Variants in ANO2 observed in about 807,000 individuals in gnomAD.
ANO2 encodes anoctamin-2.
ANO2 carries 101 observed loss-of-function variants against 124.2 expected under a neutral mutation model. The ratio of observed to expected loss-of-function variants is 0.81; its 90% CI spans 0.69 to 0.96. The LOEUF (loss-of-function observed/expected upper bound fraction) is 0.96, where lower values mean the gene tolerates loss of function less well. Among genes scored for constraint, ANO2 ranks in the 40% least tolerant of loss-of-function variants. The pLI, the probability that ANO2 is intolerant of heterozygous loss-of-function variation, is 0.00. For missense variants in ANO2, 1,293 were observed against 1,274.5 expected (o/e 1.01, Z -0.22); for synonymous variants, 486 against 482.5 (o/e 1.01, Z -0.09).
At chr12:5,945,297 G>C, upstream of ANO2, 2 of 1,153,242 alleles carry the variant, frequency 1.7e-6, no homozygotes, top group Non-Finnish European at 2.2e-6. Context: ...ATTCCATCGC[G>C]GCTCAGCTCC....
intron 19 of ANO2, among the ~76,000 whole-genome samples, chr12:5,608,241 A>AG (rs1473944524): frequency 2.6e-5 from 4 of 151,128 alleles, no homozygotes; most frequent in African/African-American, 9.7e-5. Context: ...TCTGAGTTGA[A>AG]GGGGTCTGAT....
chr12:5,654,289 G>A (rs539011767), intron 14 of ANO2, among the ~76,000 whole-genome samples: 3 of 152,198 alleles, frequency 2.0e-5, no homozygotes, highest in Non-Finnish European at 2.9e-5. Flanking sequence ...CTGTTCAGTT[G>A]TTTAGAAGGC....
At chr12:5,733,498 G>A (rs564278461) in intron 13 of ANO2, among the ~76,000 whole-genome samples, 4 of 152,312 alleles carry the variant, frequency 2.6e-5, no homozygotes, top group East Asian at 1.9e-4. Context: ...TTCCTGCATC[G>A]TTTATCGATA....
intron 12 of ANO2, among the ~76,000 whole-genome samples, chr12:5,741,449 T>C (rs886805058): frequency 2.6e-5 from 4 of 152,346 alleles, no homozygotes; most frequent in African/African-American, 7.2e-5. Flanking sequence ...ACACTGGCTT[T>C]GGTCTGGGGA....
intron 10 of ANO2, among the ~76,000 whole-genome samples, chr12:5,773,471 G>A (rs1325227836): frequency 6.6e-6 from 1 of 152,164 alleles, no homozygotes; most frequent in Non-Finnish European, 1.5e-5. Context: ...TTAGAAACTG[G>A]ATCTTAGATC....
chr12:5,666,615 A>C (rs986319454), intron 14 of ANO2, among the ~76,000 whole-genome samples: 1 of 152,106 alleles, frequency 6.6e-6, no homozygotes, highest in African/African-American at 2.4e-5. Context: ...AAAATAAAAC[A>C]GTTTTCAGAA....
intron 10 of ANO2, among the ~76,000 whole-genome samples, chr12:5,754,856 C>G (rs909365613): frequency 7.9e-5 from 12 of 152,064 alleles, no homozygotes; most frequent in African/African-American, 2.9e-4. Flanking sequence ...CGTCAACAAA[C>G]TCTTAGCTTC....
chr12:5,568,688 A>G (rs1468440688), intron 23 of ANO2, among the ~76,000 whole-genome samples: 3 of 152,224 alleles, frequency 2.0e-5, no homozygotes, highest in African/African-American at 7.2e-5. Flanking sequence ...GAGAGTGGCT[A>G]ATCAACCGAA....
At chr12:5,641,972 A>C (rs1427329584) in intron 15 of ANO2, among the ~76,000 whole-genome samples, 1 of 152,224 alleles carries the variant, frequency 6.6e-6, no homozygotes, top group Admixed American at 6.5e-5. Flanking sequence ...ATGGTGGTCC[A>C]GTGATCTATT....
intron 20 of ANO2, among the ~76,000 whole-genome samples, chr12:5,589,269 C>G (rs1303987992): frequency 1.3e-5 from 2 of 152,052 alleles, no homozygotes; most frequent in Non-Finnish European, 2.9e-5. Context: ...CCCTGGCTTA[C>G]TCGCTAGAAA....
chr12:5,723,200 T>C (rs554518490), intron 14 of ANO2, among the ~76,000 whole-genome samples: 3 of 152,324 alleles, frequency 2.0e-5, no homozygotes, highest in African/African-American at 4.8e-5. Flanking sequence ...CTGCCTCTGC[T>C]ACCACCTCCC....
intron 1 of ANO2, among the ~76,000 whole-genome samples, chr12:5,932,649 G>C (rs1003874930): frequency 6.6e-5 from 10 of 150,544 alleles, no homozygotes; most frequent in African/African-American, 2.2e-4. Flanking sequence ...AGACTGGTAA[G>C]AAAGTGACTA....
chr12:5,701,098 T>TTTTC (rs1949386551), intron 14 of ANO2, among the ~76,000 whole-genome samples: 1 of 145,024 alleles, frequency 6.9e-6, no homozygotes, highest in African/African-American at 2.6e-5. Context: ...TTTTTTTTTT[T>TTTTC]TTTTTTTTTT....
chr12:5,594,603 A>C (rs1223677916), intron 20 of ANO2, among the ~76,000 whole-genome samples: 2 of 152,200 alleles, frequency 1.3e-5, no homozygotes, highest in African/African-American at 4.8e-5. Flanking sequence ...TCAGAGGCCA[A>C]GGCGGGAGGA....
chr12:5,905,210 G>C (rs560338737), intron 3 of ANO2, among the ~76,000 whole-genome samples: 8 of 152,292 alleles, frequency 5.3e-5, no homozygotes, highest in Admixed American at 3.3e-4. Context: ...TGTTAGGGCC[G>C]TGTGGCACCT....
intron 3 of ANO2, among the ~76,000 whole-genome samples, chr12:5,868,440 TG>T (rs1315755923): frequency 6.6e-6 from 1 of 152,074 alleles, no homozygotes; most frequent in Non-Finnish European, 1.5e-5. Flanking sequence ...AATAAGAATC[TG>T]GAAGCAATAG....
intron 14 of ANO2, among the ~76,000 whole-genome samples, chr12:5,719,750 T>G (rs574889549): frequency 7.5e-4 from 114 of 152,344 alleles, no homozygotes; most frequent in African/African-American, 2.6e-3. Context: ...AGAAACCAAC[T>G]GAGACACTCA....
chr12:5,667,159 G>A (rs1419475342), intron 14 of ANO2, among the ~76,000 whole-genome samples: 1 of 152,132 alleles, frequency 6.6e-6, no homozygotes, highest in Non-Finnish European at 1.5e-5. Context: ...GGTTGAAGAA[G>A]GGACCTGCAT....
intron 14 of ANO2, among the ~76,000 whole-genome samples, chr12:5,690,646 G>T (rs1051925375): frequency 6.6e-6 from 1 of 152,112 alleles, no homozygotes; most frequent in African/African-American, 2.4e-5. Context: ...GTATCACCTC[G>T]TAATGCGGCA....
Sources: gnomAD v4.1 joint callset for allele counts (sites outside exome capture counted in the v4.1 genomes callset) on GRCh38, gnomAD v4.1.1 for gene constraint, MANE v1.5 for transcripts, NCBI Gene and HGNC (gene_info 2026-07-23, HGNC 2026-07-21) for gene names.